The following ZDHHC14 variants were observed in gnomAD, a reference collection of about 807,000 sequenced individuals.
The protein encoded by ZDHHC14 is palmitoyltransferase ZDHHC14.
A neutral mutation model predicts 47.7 loss-of-function variants in ZDHHC14; 16 were observed. The observed-to-expected ratio is 0.34, with a 90% confidence interval of 0.23 to 0.51. The LOEUF is 0.51. Ranked by LOEUF, ZDHHC14 falls within the 20% of genes least tolerant of loss-of-function variation. The pLI is 0.97. For synonymous variants in ZDHHC14, 293 were observed against 278.9 expected, an observed-to-expected ratio of 1.05 and a Z score of -0.50; for missense variants, 515 against 662.5, an observed-to-expected ratio of 0.78 and a Z score of 2.44.
chr6:157,447,768 G>A (rs1181752702), intron 1 of ZDHHC14, among the ~76,000 whole-genome samples: 2 of 152,188 alleles, frequency 1.3e-5, no homozygotes, highest in African/African-American at 4.8e-5. Context: ...ATATTTAGGT[G>A]GGTGATGAGT....
chr6:157,661,551 G>A (rs553285766), intron 8 of ZDHHC14, among the ~76,000 whole-genome samples: 1 of 152,304 alleles, frequency 6.6e-6, no homozygotes, highest in South Asian at 2.1e-4. Context: ...ATGATGGAAG[G>A]AAAAGCTTTG....
chr6:157,514,907 C>T (rs1265311643), intron 1 of ZDHHC14, among the ~76,000 whole-genome samples: 10 of 152,218 alleles, frequency 6.6e-5, no homozygotes, highest in Admixed American at 4.6e-4. Flanking sequence ...AGTATAACAT[C>T]TGGTTCTCGA....
At chr6:157,444,660 C>T (rs142034729) in intron 1 of ZDHHC14, among the ~76,000 whole-genome samples, 1,950 of 150,146 alleles carry the variant, frequency 0.013, 44 homozygotes, top group African/African-American at 0.045. Context: ...CCTGGGCGAC[C>T]GAGAGAGACT....
At chr6:157,512,317 C>T (rs1780522440) in intron 1 of ZDHHC14, among the ~76,000 whole-genome samples, 2 of 152,226 alleles carry the variant, frequency 1.3e-5, no homozygotes, top group East Asian at 1.9e-4. Flanking sequence ...GACTTGCCCT[C>T]CTCAGAAGCC....
At chr6:157,480,756 G>A (rs1028861422) in intron 1 of ZDHHC14, among the ~76,000 whole-genome samples, 10 of 152,228 alleles carry the variant, frequency 6.6e-5, no homozygotes, top group African/African-American at 2.2e-4. Flanking sequence ...TCTTCTAAGA[G>A]TATAACTATT....
intron 1 of ZDHHC14, among the ~76,000 whole-genome samples, chr6:157,492,208 C>CCCCCCG (rs1312572174): frequency 6.8e-6 from 1 of 146,912 alleles, no homozygotes; most frequent in Non-Finnish European, 1.5e-5. Context: ...CCGCCCCCGC[C>CCCCCCG]CCCCAGCCAC....
intron 1 of ZDHHC14, among the ~76,000 whole-genome samples, chr6:157,434,763 C>A (rs891276077): frequency 6.6e-6 from 1 of 152,196 alleles, no homozygotes; most frequent in African/African-American, 2.4e-5. Context: ...TTTAACAAGG[C>A]TGCGCCAGTG....
At chr6:157,595,350 C>T (rs374419320) in intron 3 of ZDHHC14, among the ~76,000 whole-genome samples, 1 of 151,746 alleles carries the variant, frequency 6.6e-6, no homozygotes. Flanking sequence ...TGTCACCCTG[C>T]CCAGCTAATT....
At chr6:157,501,810 A>G (rs1308624253) in intron 1 of ZDHHC14, among the ~76,000 whole-genome samples, 1 of 152,224 alleles carries the variant, frequency 6.6e-6, no homozygotes, top group African/African-American at 2.4e-5. Flanking sequence ...TCCAGCTGAC[A>G]TAGTTATTGC....
rs1408361537 is a variant in ZDHHC14, at chr6:157,677,928, G to A, written c.*4806G>A. The A allele has an allele frequency of 1.7e-5, 2 of 121,064 alleles. No individual in the cohort carries two copies. The highest frequency in any genetic ancestry group is 3.4e-5 in the Non-Finnish European group (2 of 59,512). 7.5% of individuals were successfully genotyped at this position (121,064 alleles called of 1,614,324 possible). A position where few individuals can be genotyped will look rare whatever the true frequency, so the allele number is the denominator to read the frequency against. On this transcript the variant is annotated 3_prime_UTR_variant, in exon 9 of 9. Transcript: ENST00000359775. ...CTGGGTTGATATTTCACAGTCAAAC[G>A]TTTTGGCATGGAAAAAAAAAAAAGC...
At chr6:157,559,585 A>G (rs868332654) in intron 2 of ZDHHC14, among the ~76,000 whole-genome samples, 11 of 152,250 alleles carry the variant, frequency 7.2e-5, no homozygotes, top group Non-Finnish European at 1.3e-4. Context: ...TCTTCCTGGA[A>G]TAACAGCATG....
chr6:157,503,867 G>A (rs1416148469), intron 1 of ZDHHC14, among the ~76,000 whole-genome samples: 2 of 152,126 alleles, frequency 1.3e-5, no homozygotes, highest in Non-Finnish European at 2.9e-5. Flanking sequence ...GCTCATATAA[G>A]GCTCGTGGGA....
At position 157,674,433 on chromosome 6, in the gene ZDHHC14, C is replaced by T. The variant is rs1163096316; in HGVS notation, c.*1311C>T. 1.3e-5 allele frequency: 2 copies of T among 152,212 alleles called. No homozygotes were observed. The highest frequency in any genetic ancestry group is 4.8e-5 in the African/African-American group (2 of 41,448). The allele number at this position is 152,212 out of a possible 1,614,324, so 9.4% of individuals were successfully genotyped here. On this transcript the variant is annotated 3_prime_UTR_variant, in exon 9 of 9. Coordinates refer to ENST00000359775, the MANE Select transcript of ZDHHC14 (RefSeq NM_024630.3). ...AAATTAAGAAAATGACCACTTTGTT[C>T]ACTTTCATTGGTCACCTAGAAGGGA...
chr6:157,442,211 G>T (rs1778573574), intron 1 of ZDHHC14, among the ~76,000 whole-genome samples: 1 of 151,926 alleles, frequency 6.6e-6, no homozygotes, highest in Non-Finnish European at 1.5e-5. Context: ...AGGCAACATG[G>T]TGAAACCAAA....
chr6:157,487,007 T>A (rs969750781), intron 1 of ZDHHC14, among the ~76,000 whole-genome samples: 1 of 152,238 alleles, frequency 6.6e-6, no homozygotes, highest in Non-Finnish European at 1.5e-5. Context: ...CAAGTGAAGA[T>A]GCTGAAACAT....
chr6:157,419,208 G>A (rs1778046891), intron 1 of ZDHHC14, among the ~76,000 whole-genome samples: 1 of 152,124 alleles, frequency 6.6e-6, no homozygotes, highest in African/African-American at 2.4e-5. Context: ...TGGTACATTT[G>A]TTACAATCGA....
At chr6:157,492,177 T>C in intron 1 of ZDHHC14, among the ~76,000 whole-genome samples, 1 of 147,432 alleles carries the variant, frequency 6.8e-6, no homozygotes, top group Non-Finnish European at 1.5e-5. Context: ...CACCTGAGCC[T>C]TGACCCTCAA....
intron 1 of ZDHHC14, among the ~76,000 whole-genome samples, chr6:157,479,001 G>A (rs1648197385): frequency 6.6e-6 from 1 of 152,162 alleles, no homozygotes; most frequent in African/African-American, 2.4e-5. Context: ...AAGGTCCGCG[G>A]GGAGACATAA....
chr6:157,437,433 T>G (rs1458369280), intron 1 of ZDHHC14, among the ~76,000 whole-genome samples: 1 of 152,234 alleles, frequency 6.6e-6, no homozygotes, highest in Non-Finnish European at 1.5e-5. Context: ...TGTCGCCCTG[T>G]TCTGTCTCCA....
Sources: allele counts gnomAD v4.1 joint callset (sites outside exome capture counted in the v4.1 genomes callset), GRCh38; gene constraint gnomAD v4.1.1; transcripts MANE v1.5; gene names NCBI Gene and HGNC (gene_info 2026-07-23, HGNC 2026-07-21).